The following GSK3B variants were observed in gnomAD, a reference collection of about 807,000 sequenced individuals.
GSK3B encodes the protein glycogen synthase kinase-3 beta.
Under a neutral mutation model 56.4 loss-of-function variants are expected in GSK3B, and 15 were observed. That is an observed-to-expected ratio of 0.27 (90% CI 0.18 to 0.41). GSK3B has a LOEUF of 0.41. GSK3B is among the 10% of genes least tolerant of loss of function. The pLI, the probability that GSK3B is intolerant of heterozygous loss-of-function variation, is 1.00. For synonymous variants in GSK3B, 181 were observed against 188.9 expected, an observed-to-expected ratio of 0.96 and a Z score of 0.34; for missense variants, 300 against 513.4, an observed-to-expected ratio of 0.58 and a Z score of 4.02.
At chr3:120,017,358 T>C (rs2057835930) in intron 1 of GSK3B, among the ~76,000 whole-genome samples, 1 of 152,210 alleles carries the variant, frequency 6.6e-6, no homozygotes, top group Non-Finnish European at 1.5e-5. Context: ...CTGTAATCTT[T>C]AGTGACAGTA....
intron 10 of GSK3B, among the ~76,000 whole-genome samples, chr3:119,833,714 T>TTTTTC: frequency 6.8e-6 from 1 of 147,102 alleles, no homozygotes; most frequent in Non-Finnish European, 1.5e-5. Context: ...TTTTTTTTTT[T>TTTTTC]AGACAGGGTC....
chr3:119,967,543 A>G (rs1424458637), intron 2 of GSK3B, among the ~76,000 whole-genome samples: 1 of 152,214 alleles, frequency 6.6e-6, no homozygotes, highest in African/African-American at 2.4e-5. Flanking sequence ...TGGTACTGGC[A>G]TAAGGACATA....
chr3:120,009,308 G>A (rs748407808), intron 1 of GSK3B, among the ~76,000 whole-genome samples: 13 of 152,012 alleles, frequency 8.6e-5, no homozygotes, highest in South Asian at 2.1e-4. Context: ...TAGAAATACC[G>A]TTTGACCCAG....
At position 119,876,511 on chromosome 3, in the gene GSK3B, A is replaced by G; in HGVS notation, c.814-3T>C. 1 of 1,526,878 alleles carries G rather than the reference A, an allele frequency of 6.5e-7. No individual in the cohort carries two copies. The highest frequency in any genetic ancestry group is 9.1e-7 in the Non-Finnish European group (1 of 1,101,494). 94.6% of individuals were successfully genotyped at this position (1,526,878 alleles called of 1,614,324 possible). On this transcript the variant is annotated splice_polypyrimidine_tract_variant and splice_region_variant and intron_variant, in intron 7 of 10. Coordinates refer to ENST00000264235, the MANE Select transcript of GSK3B (RefSeq NM_001146156.2). ...TCCCTTGTTGGAGTTCCCAGGACCT[A>G]GAAAGAAAGCAAGTTATTGCCATCT...
chr3:119,925,155 C>T (rs763763574), intron 3 of GSK3B, among the ~76,000 whole-genome samples: 4 of 151,992 alleles, frequency 2.6e-5, no homozygotes, highest in Non-Finnish European at 4.4e-5. Flanking sequence ...ATGGCAAAAC[C>T]CCATCTCTAC....
chr3:119,939,714 C>A (rs2057028670), intron 3 of GSK3B, among the ~76,000 whole-genome samples: 1 of 152,060 alleles, frequency 6.6e-6, no homozygotes, highest in African/African-American at 2.4e-5. Flanking sequence ...AGAACAGATT[C>A]AAATAAGTCA....
intron 7 of GSK3B, among the ~76,000 whole-genome samples, chr3:119,893,873 TAAA>T (rs200995417): frequency 7.3e-6 from 1 of 137,736 alleles, no homozygotes. Context: ...ACTTTTGCCT[TAAA>T]AAAAAAAAAA....
At chr3:120,061,764 C>T (rs1434143097) in intron 1 of GSK3B, among the ~76,000 whole-genome samples, 2 of 152,122 alleles carry the variant, frequency 1.3e-5, no homozygotes, top group Non-Finnish European at 2.9e-5. Context: ...CAGAGTTTCA[C>T]TCTTGTTGCC....
chr3:120,035,771 TCA>T (rs2058017426), intron 1 of GSK3B, among the ~76,000 whole-genome samples: 1 of 152,250 alleles, frequency 6.6e-6, no homozygotes, highest in Non-Finnish European at 1.5e-5. Context: ...AATTTCAGTT[TCA>T]GTTTGCTCAT....
intron 2 of GSK3B, among the ~76,000 whole-genome samples, chr3:119,965,227 ATT>A (rs772430757): frequency 2.2e-4 from 26 of 119,502 alleles, no homozygotes; most frequent in Non-Finnish European, 2.0e-4. Flanking sequence ...TAATTTTTGT[ATT>A]TTTTTTTTTT....
chr3:119,955,613 A>G (rs1390843309), intron 2 of GSK3B, among the ~76,000 whole-genome samples: 1 of 151,910 alleles, frequency 6.6e-6, no homozygotes, highest in East Asian at 1.9e-4. Context: ...ATTACAAGGC[A>G]TAAAGAACCA....
intron 1 of GSK3B, among the ~76,000 whole-genome samples, chr3:120,036,968 A>T (rs1190256358): frequency 6.6e-6 from 1 of 152,224 alleles, no homozygotes. Context: ...GTTAAAAAAC[A>T]AAACCTAACA....
At position 119,923,487 on chromosome 3, in the gene GSK3B, A is replaced by C; in HGVS notation, c.367-4T>G. 1.4e-6 allele frequency: 2 copies of C among 1,466,754 alleles called. No individual in the cohort carries two copies. Among genetic ancestry groups the C allele is most frequent in the Non-Finnish European group, 1.9e-6 (2 of 1,065,318 alleles). 90.9% of individuals were successfully genotyped at this position (1,466,754 alleles called of 1,614,324 possible). A position where few individuals can be genotyped will look rare whatever the true frequency, so the allele number is the denominator to read the frequency against. ...GATTAAGATAGACCTCATCTTTCTG[A>C]AAGAGTTTATTTAAAAAAACAAAAA... On this transcript the variant is annotated splice_polypyrimidine_tract_variant and splice_region_variant and intron_variant, in intron 3 of 10. Transcript: ENST00000264235.
chr3:119,849,968 T>C (rs1363188904), intron 9 of GSK3B, among the ~76,000 whole-genome samples: 1 of 152,160 alleles, frequency 6.6e-6, no homozygotes, highest in Non-Finnish European at 1.5e-5. Flanking sequence ...TCTAGATTAC[T>C]TATAATACCG....
At chr3:120,082,116 C>A (rs1051779937) in intron 1 of GSK3B, among the ~76,000 whole-genome samples, 2 of 152,152 alleles carry the variant, frequency 1.3e-5, no homozygotes, top group Non-Finnish European at 2.9e-5. Context: ...GAAAGAATCA[C>A]TACCCACCCT....
At chr3:120,026,251 G>A (rs1384076816) in intron 1 of GSK3B, among the ~76,000 whole-genome samples, 15 of 152,084 alleles carry the variant, frequency 9.9e-5, no homozygotes, top group Admixed American at 9.8e-4. Flanking sequence ...TATCAAGCAA[G>A]GGATGCTAGG....
chr3:119,973,020 C>G (rs1269245022), intron 2 of GSK3B, among the ~76,000 whole-genome samples: 2 of 152,160 alleles, frequency 1.3e-5, no homozygotes, highest in Non-Finnish European at 2.9e-5. Flanking sequence ...GAATTCTACA[C>G]TTTCCAATAT....
intron 8 of GSK3B, among the ~76,000 whole-genome samples, chr3:119,868,923 C>T (rs2056216176): frequency 6.6e-6 from 1 of 152,006 alleles, no homozygotes; most frequent in Non-Finnish European, 1.5e-5. Context: ...GAGACAATGC[C>T]ATGGATTGTT....
chr3:119,995,191 C>T (rs1283881936), intron 2 of GSK3B, among the ~76,000 whole-genome samples: 1 of 151,250 alleles, frequency 6.6e-6, no homozygotes, highest in African/African-American at 2.4e-5. Flanking sequence ...TAAAAACTAG[C>T]CAGGTGTGGT....
Sources: allele counts gnomAD v4.1 joint callset (sites outside exome capture counted in the v4.1 genomes callset), GRCh38; gene constraint gnomAD v4.1.1; transcripts MANE v1.5; gene names NCBI Gene and HGNC (gene_info 2026-07-23, HGNC 2026-07-21).